Variants in GLMN observed in about 807,000 individuals in gnomAD.
GLMN encodes the protein glomulin.
Under a neutral mutation model 87.8 loss-of-function variants are expected in GLMN, and 75 were observed. That is an observed-to-expected ratio of 0.85 (90% confidence interval 0.71 to 1.04). The LOEUF (loss-of-function observed/expected upper bound fraction) is 1.04, where lower values mean the gene tolerates loss of function less well. Among genes scored for constraint, GLMN ranks in the 50% least tolerant of loss-of-function variants. The probability of loss-of-function intolerance (pLI) is 0.00; values close to 1 mark genes in which losing one functional copy is unlikely to be tolerated. For synonymous variants in GLMN, 206 were observed against 221.6 expected (o/e 0.93, Z 0.63); for missense variants, 588 against 658.8 (o/e 0.89, Z 1.18).
the GLMN span, among the ~76,000 whole-genome samples, chr1:92,308,152 A>G: frequency 2.0e-5 from 3 of 152,010 alleles, no homozygotes; most frequent in African/African-American, 7.2e-5. Context: ...TTCAAATAAC[A>G]TCAATTATGC....
chr1:92,295,737 T>C (rs1649972051), intron 3 of GLMN, among the ~76,000 whole-genome samples: 1 of 152,182 alleles, frequency 6.6e-6, no homozygotes, highest in South Asian at 2.1e-4. Context: ...AAAGCTGACT[T>C]ACTTTTGGGC....
intron 16 of GLMN, among the ~76,000 whole-genome samples, chr1:92,250,862 T>C (rs1196869730): frequency 6.6e-6 from 1 of 151,862 alleles, no homozygotes; most frequent in East Asian, 1.9e-4. Flanking sequence ...CAGTAAAATA[T>C]AACCTTCTAG....
At chr1:92,356,594 T>G in the GLMN span, among the ~76,000 whole-genome samples, 3 of 150,486 alleles carry the variant, frequency 2.0e-5, 1 homozygote, top group Non-Finnish European at 4.4e-5. Context: ...AATTTTTTTT[T>G]TTTTTTTTTT....
chr1:92,249,045 A>C (rs1435219223), intron 16 of GLMN, among the ~76,000 whole-genome samples: 2 of 152,142 alleles, frequency 1.3e-5, no homozygotes, highest in African/African-American at 4.8e-5. Flanking sequence ...CAGGAGATTC[A>C]TAGTAAATTA....
the GLMN span, among the ~76,000 whole-genome samples, chr1:92,313,368 A>G: frequency 6.6e-6 from 1 of 152,146 alleles, no homozygotes; most frequent in Non-Finnish European, 1.5e-5. Flanking sequence ...AAACAACACT[A>G]ATCTTGTACA....
intron 3 of GLMN, among the ~76,000 whole-genome samples, chr1:92,295,577 A>T (rs1157452861): frequency 1.3e-5 from 2 of 152,140 alleles, no homozygotes; most frequent in African/African-American, 4.8e-5. Flanking sequence ...CTAGAAACCC[A>T]GTCATTTTTG....
the GLMN span, chr1:92,333,535 C>T: frequency 1.2e-4 from 136 of 1,118,854 alleles, no homozygotes; most frequent in Non-Finnish European, 1.7e-4. Context: ...CATTTAAGCT[C>T]ATAATGTGTA....
chr1:92,301,775 T>TA (rs1441102432), upstream of GLMN, among the ~76,000 whole-genome samples: 2 of 152,222 alleles, frequency 1.3e-5, no homozygotes. Flanking sequence ...ATAATGACTT[T>TA]AAAATGCACT....
At chr1:92,269,291 A>T (rs1377333376) in intron 9 of GLMN, among the ~76,000 whole-genome samples, 1 of 151,946 alleles carries the variant, frequency 6.6e-6, no homozygotes, top group African/African-American at 2.4e-5. Context: ...TCAATAATCT[A>T]AATTATAAAA....
At chr1:92,319,084 C>A in the GLMN span, among the ~76,000 whole-genome samples, 24 of 152,010 alleles carry the variant, frequency 1.6e-4, no homozygotes, top group Admixed American at 4.6e-4. Context: ...GTAAATACCC[C>A]AGAGTGGAGA....
At chr1:92,273,775 C>T (rs1557541530) in intron 7 of GLMN, among the ~76,000 whole-genome samples, 1 of 151,962 alleles carries the variant, frequency 6.6e-6, no homozygotes. Flanking sequence ...CTTTTTAAAA[C>T]ATTATTATAT....
upstream of GLMN, chr1:92,301,453 T>G (rs750486957): frequency 2.0e-5 from 26 of 1,281,214 alleles, no homozygotes; most frequent in Non-Finnish European, 2.7e-5. Flanking sequence ...TTAAGTAGAT[T>G]AAGTTTCTCT....
intron 4 of GLMN, among the ~76,000 whole-genome samples, chr1:92,290,634 C>G (rs1649296816): frequency 1.3e-5 from 2 of 152,172 alleles, no homozygotes; most frequent in African/African-American, 4.8e-5. Context: ...TGCTGCAAGC[C>G]TATTTAGACT....
chr1:92,307,311 T>A, the GLMN span: 1 of 1,358,858 alleles, frequency 7.4e-7, no homozygotes, highest in Non-Finnish European at 1.0e-6. Flanking sequence ...CATTTGTTCA[T>A]ATATTCTAAT....
the GLMN span, among the ~76,000 whole-genome samples, chr1:92,351,035 G>A: frequency 1.3e-5 from 2 of 151,932 alleles, no homozygotes; most frequent in African/African-American, 2.4e-5. Context: ...GACAGTAGGC[G>A]GGGTGCAGTG....
chr1:92,363,148 T>C, the GLMN span, among the ~76,000 whole-genome samples: 1 of 152,296 alleles, frequency 6.6e-6, no homozygotes, highest in Admixed American at 6.5e-5. Flanking sequence ...CAAGTTAAGA[T>C]AAGGAAGTGG....
chr1:92,313,625 C>T, the GLMN span, among the ~76,000 whole-genome samples: 1 of 152,086 alleles, frequency 6.6e-6, no homozygotes, highest in South Asian at 2.1e-4. Context: ...GCATTGGCTT[C>T]AACTTAAAGT....
intron 18 of GLMN, 138 bp downstream of exon 18, chr1:92,246,922 CTG>C (rs1196995355): frequency 1.4e-6 from 1 of 719,560 alleles, no homozygotes; most frequent in African/African-American, 1.7e-5. Context: ...AATCAGGAAT[CTG>C]AGGTGGGTGG....
chr1:92,346,616 C>T, the GLMN span, among the ~76,000 whole-genome samples: 2 of 152,102 alleles, frequency 1.3e-5, no homozygotes, highest in Non-Finnish European at 2.9e-5. Flanking sequence ...TTTTGTTTGT[C>T]AACATACTTT....
Sources: allele counts gnomAD v4.1 joint callset (sites outside exome capture counted in the v4.1 genomes callset), GRCh38; gene constraint gnomAD v4.1.1; transcripts MANE v1.5; gene names NCBI Gene and HGNC (gene_info 2026-07-23, HGNC 2026-07-21).